The following ZFHX3 variants were observed in gnomAD, a reference collection of about 807,000 sequenced individuals.
The protein encoded by ZFHX3 is zinc finger homeobox 3, also known as zinc finger homeobox protein 3.
In ZFHX3, 42 loss-of-function variants were observed where a neutral mutation model predicts 279.1. The ratio of observed to expected loss-of-function variants is 0.15; its 90% CI spans 0.12 to 0.19. The LOEUF is 0.19. Ranked by LOEUF, ZFHX3 falls within the 10% of genes least tolerant of loss-of-function variation. The pLI is 1.00. For missense variants in ZFHX3, 4,981 were observed against 4,754.0 expected (o/e 1.05, Z -1.40); for synonymous variants, 2,293 against 1,957.8 (o/e 1.17, Z -4.52).
chr16:72,854,457 G>T (rs1380512390), intron 4 of ZFHX3, among the ~76,000 whole-genome samples: 1 of 152,074 alleles, frequency 6.6e-6, no homozygotes, highest in Non-Finnish European at 1.5e-5. Flanking sequence ...TAAAGAATGG[G>T]GAAACTCCCT....
At chr16:73,328,744 A>C (rs1386280039) in intron 3 of ZFHX3, among the ~76,000 whole-genome samples, 1 of 152,234 alleles carries the variant, frequency 6.6e-6, no homozygotes, top group African/African-American at 2.4e-5. Context: ...GCTCAGAAGG[A>C]TAAAACCAGG....
intron 1 of ZFHX3, among the ~76,000 whole-genome samples, chr16:72,963,819 T>G (rs935581392): frequency 6.6e-6 from 1 of 152,118 alleles, no homozygotes. Context: ...GGGAGGGGGC[T>G]CCTGCTGTTG....
At chr16:73,329,843 GA>G (rs1257762713) in intron 3 of ZFHX3, among the ~76,000 whole-genome samples, 1 of 152,208 alleles carries the variant, frequency 6.6e-6, no homozygotes, top group African/African-American at 2.4e-5. Context: ...AGGCGAGTGT[GA>G]ATTTTCGGCA....
chr16:72,950,375 A>G, intron 3 of ZFHX3, 94 bp downstream of exon 3: 7 of 1,536,178 alleles, frequency 4.6e-6, no homozygotes, highest in Non-Finnish European at 6.1e-6. Context: ...CATGCCAGAG[A>G]CTGTCCGACT....
chr16:73,290,403 G>T (rs1183082908), intron 4 of ZFHX3, among the ~76,000 whole-genome samples: 1 of 152,176 alleles, frequency 6.6e-6, no homozygotes, highest in Non-Finnish European at 1.5e-5. Flanking sequence ...AGGTGAAAAG[G>T]TGTTCTAGGA....
At position 73,236,213 on chromosome 16, in the gene ZFHX3, A is replaced by G. The variant is rs570097742; in HGVS notation, c.-1104+20834T>C. Among the ~76,000 whole-genome samples, 6 of 152,354 alleles carry G rather than the reference A, an allele frequency of 3.9e-5. No individual in the cohort carries two copies. In the South Asian group the frequency reaches 1.2e-3, roughly 32 times the overall value. The stretch of plus-strand genomic sequence containing the variant: ...GGGAAATGCTAATTTAAAACAATAA[A>G]GAGAGGAAGGGAATGGATGTCAGTG... On this transcript the variant is annotated intron_variant, in intron 5 of 17. Transcript: ENST00000641206.
At chr16:73,116,120 CA>C (rs1229813862) in intron 7 of ZFHX3, among the ~76,000 whole-genome samples, 28,993 of 132,348 alleles carry the variant, frequency 0.22, 4,193 homozygotes, top group African/African-American at 0.45. Flanking sequence ...AACTCTGTCT[CA>C]AAAAAAAAAA....
chr16:73,122,606 C>T (rs1456314607), intron 7 of ZFHX3, among the ~76,000 whole-genome samples: 2 of 152,176 alleles, frequency 1.3e-5, no homozygotes, highest in African/African-American at 4.8e-5. Context: ...CAGTGACCAA[C>T]TTGGGGGGCC....
At chr16:72,878,209 A>G (rs985604048) in intron 4 of ZFHX3, among the ~76,000 whole-genome samples, 3 of 152,150 alleles carry the variant, frequency 2.0e-5, no homozygotes, top group Non-Finnish European at 2.9e-5. Flanking sequence ...AAAACAAAAA[A>G]ACAAAAAAAA....
chr16:73,573,137 C>T (rs1040481949), intron 2 of ZFHX3, among the ~76,000 whole-genome samples: 5 of 152,104 alleles, frequency 3.3e-5, no homozygotes, highest in Admixed American at 2.0e-4. Flanking sequence ...GGACAGGGTG[C>T]GTTTTATTGC....
chr16:73,583,154 T>C, intron 2 of ZFHX3, among the ~76,000 whole-genome samples: 1 of 152,154 alleles, frequency 6.6e-6, no homozygotes, highest in Non-Finnish European at 1.5e-5. Flanking sequence ...ACTGACAATA[T>C]CTGGGCCAAT....
At chr16:72,896,251 C>T (rs1235140688) in intron 3 of ZFHX3, among the ~76,000 whole-genome samples, 1 of 152,188 alleles carries the variant, frequency 6.6e-6, no homozygotes, top group Non-Finnish European at 1.5e-5. Flanking sequence ...CCTTTTCTTG[C>T]ACCTCTTCCT....
At chr16:73,762,994 AT>A (rs953527684) in intron 1 of ZFHX3, among the ~76,000 whole-genome samples, 25 of 152,044 alleles carry the variant, frequency 1.6e-4, no homozygotes, top group African/African-American at 5.6e-4. Context: ...TATTAATAAA[AT>A]TTTTTTTAAA....
intron 1 of ZFHX3, among the ~76,000 whole-genome samples, chr16:73,034,451 C>A (rs918476760): frequency 1.3e-5 from 2 of 152,196 alleles, no homozygotes; most frequent in Non-Finnish European, 2.9e-5. Flanking sequence ...AGTCCCTGGA[C>A]TAGCCAAACC....
At chr16:73,453,703 T>C (rs1030445816) in intron 3 of ZFHX3, among the ~76,000 whole-genome samples, 1 of 152,166 alleles carries the variant, frequency 6.6e-6, no homozygotes, top group African/African-American at 2.4e-5. Context: ...GTGCAATTTA[T>C]AAAGAAAAAG....
chr16:73,457,460 C>G (rs1424176067), intron 2 of ZFHX3, among the ~76,000 whole-genome samples: 1 of 152,168 alleles, frequency 6.6e-6, no homozygotes, highest in Non-Finnish European at 1.5e-5. Flanking sequence ...CTCTCTGAAC[C>G]ACATTCAGAC....
chr16:73,435,814 A>T (rs1051393211), intron 3 of ZFHX3, among the ~76,000 whole-genome samples: 2 of 152,094 alleles, frequency 1.3e-5, no homozygotes, highest in African/African-American at 4.8e-5. Context: ...GACCTTAGGA[A>T]TCTGCTATTT....
chr16:73,567,867 GA>G (rs893257288), intron 2 of ZFHX3, among the ~76,000 whole-genome samples: 1 of 142,450 alleles, frequency 7.0e-6, no homozygotes, highest in Non-Finnish European at 1.5e-5. Flanking sequence ...CTAATTGAAA[GA>G]TTTTTTTTTC....
rs552270448 is a variant in ZFHX3 at position 72,857,515 on chromosome 16, T to A, written c.3449-27656A>T. Among the ~76,000 whole-genome samples the A allele has an allele frequency of 1.1e-4, 16 of 152,280 alleles. 1 individual carries two copies. The highest frequency in any genetic ancestry group is 3.4e-3 in the Middle Eastern group (1 of 294). ...GCCTGTGCAACATAGCGAGACTTCA[T>A]CTCTACAAAAAATAAAAGTATTAGC... On this transcript the variant is annotated intron_variant, in intron 4 of 9. Transcript: ENST00000268489.
Sources: allele counts gnomAD v4.1 joint callset (sites outside exome capture counted in the v4.1 genomes callset), GRCh38; gene constraint gnomAD v4.1.1; transcripts MANE v1.5; gene names NCBI Gene and HGNC (gene_info 2026-07-23, HGNC 2026-07-21).